MAGI2: variants seen among roughly 807,000 people sequenced by gnomAD.
MAGI2 encodes the protein membrane associated guanylate kinase, WW and PDZ domain containing 2.
In MAGI2, 35 loss-of-function variants were observed where a neutral mutation model predicts 133.3. The ratio of observed to expected loss-of-function variants is 0.26; its 90% CI spans 0.20 to 0.35. MAGI2 has a LOEUF of 0.35. Among genes scored for constraint, MAGI2 ranks in the 10% least tolerant of loss-of-function variants. The probability of loss-of-function intolerance (pLI) is 1.00; values close to 1 mark genes in which losing one functional copy is unlikely to be tolerated. For synonymous variants in MAGI2, 729 were observed against 710.6 expected (o/e 1.03, Z -0.41); for missense variants, 1,636 against 1,863.4 (o/e 0.88, Z 2.25).
intron 18 of MAGI2, among the ~76,000 whole-genome samples, chr7:78,132,213 C>T (rs1821630575): frequency 6.6e-6 from 1 of 152,176 alleles, no homozygotes; most frequent in South Asian, 2.1e-4. Flanking sequence ...TCAACATTCT[C>T]CCTACCTCCA....
At chr7:78,957,157 C>T (rs575906692) in intron 2 of MAGI2, among the ~76,000 whole-genome samples, 20 of 148,096 alleles carry the variant, frequency 1.4e-4, no homozygotes, top group Admixed American at 1.4e-4. Flanking sequence ...CCAGCTACTT[C>T]GGGATGCTGA....
intron 1 of MAGI2, among the ~76,000 whole-genome samples, chr7:79,119,466 T>C (rs376446136): frequency 3.3e-4 from 50 of 152,188 alleles, no homozygotes; most frequent in Middle Eastern, 3.4e-3. Context: ...TTTGTTCAGA[T>C]GAATCAATCC....
chr7:78,961,643 T>C (rs1802853339), intron 2 of MAGI2, among the ~76,000 whole-genome samples: 1 of 152,150 alleles, frequency 6.6e-6, no homozygotes, highest in East Asian at 1.9e-4. Flanking sequence ...TTTTTCATTT[T>C]GCAGATACCA....
chr7:79,027,184 C>T (rs953056709), intron 1 of MAGI2, among the ~76,000 whole-genome samples: 2 of 151,900 alleles, frequency 1.3e-5, no homozygotes, highest in African/African-American at 4.8e-5. Context: ...AGCAATCTCA[C>T]GTCTGGGTAT....
chr7:79,361,669 G>A (rs750480529), intron 1 of MAGI2, among the ~76,000 whole-genome samples: 5 of 152,098 alleles, frequency 3.3e-5, no homozygotes, highest in Admixed American at 6.5e-5. Context: ...ACACTCACAA[G>A]AGAGATCATG....
At chr7:78,597,420 C>T (rs1804732431) in intron 3 of MAGI2, among the ~76,000 whole-genome samples, 3 of 151,734 alleles carry the variant, frequency 2.0e-5, no homozygotes, top group Admixed American at 6.6e-5. Flanking sequence ...ATCCCAATGC[C>T]CACTTAATCC....
chr7:78,275,337 A>G (rs974580767), intron 9 of MAGI2, among the ~76,000 whole-genome samples: 1 of 151,118 alleles, frequency 6.6e-6, no homozygotes, highest in African/African-American at 2.4e-5. Context: ...TTCAGAAATC[A>G]CCTGCCTCGA....
chr7:78,664,888 AAAAAC>A (rs1255436662), intron 2 of MAGI2, among the ~76,000 whole-genome samples: 1 of 152,058 alleles, frequency 6.6e-6, no homozygotes, highest in African/African-American at 2.4e-5. Flanking sequence ...AAAAATACTA[AAAAAC>A]AAAACAATCA....
intron 2 of MAGI2, among the ~76,000 whole-genome samples, chr7:78,973,750 A>G (rs1362870318): frequency 1.3e-5 from 2 of 151,852 alleles, no homozygotes; most frequent in African/African-American, 4.8e-5. Context: ...ATAATGGAAT[A>G]TGTATCTTTC....
At chr7:78,051,653 T>C in intron 21 of MAGI2, among the ~76,000 whole-genome samples, 1 of 152,058 alleles carries the variant, frequency 6.6e-6, no homozygotes, top group Admixed American at 6.6e-5. Context: ...GGCGCGATCT[T>C]GGCTCACTGC....
At chr7:78,830,101 A>T (rs1783616682) in intron 2 of MAGI2, among the ~76,000 whole-genome samples, 1 of 152,070 alleles carries the variant, frequency 6.6e-6, no homozygotes, top group South Asian at 2.1e-4. Context: ...TATAACTTTC[A>T]TCAAAATGGG....
chr7:78,252,413 T>TA (rs1484145652), intron 10 of MAGI2: 3 of 139,466 alleles, frequency 2.2e-5, no homozygotes, highest in African/African-American at 8.4e-5. Context: ...GGGAATTCAA[T>TA]AAAAAATTAG....
At chr7:78,141,139 G>A (rs918278011) in intron 16 of MAGI2, among the ~76,000 whole-genome samples, 1 of 152,108 alleles carries the variant, frequency 6.6e-6, no homozygotes, top group Non-Finnish European at 1.5e-5. Flanking sequence ...AAGGAGAGGT[G>A]CTTTGTGGGC....
intron 3 of MAGI2, among the ~76,000 whole-genome samples, chr7:78,541,054 G>A (rs2362632): frequency 0.34 from 52,341 of 152,044 alleles, 10,144 homozygotes; most frequent in South Asian, 0.44. Context: ...AGTTCATGAT[G>A]TGAGTCTCCA....
At chr7:78,253,811 C>A (rs1274478509) in intron 10 of MAGI2, 4 of 152,136 alleles carry the variant, frequency 2.6e-5, no homozygotes, top group Admixed American at 2.6e-4. Flanking sequence ...GCCGACCACC[C>A]ATGGTCCTGA....
chr7:78,417,710 T>C (rs1315342182), intron 6 of MAGI2, among the ~76,000 whole-genome samples: 1 of 152,166 alleles, frequency 6.6e-6, no homozygotes, highest in Non-Finnish European at 1.5e-5. Context: ...GGGGGACAGA[T>C]ATTACTGTGC....
chr7:78,892,177 G>C (rs1220975226), intron 2 of MAGI2, among the ~76,000 whole-genome samples: 4 of 152,190 alleles, frequency 2.6e-5, no homozygotes, highest in Non-Finnish European at 2.9e-5. Flanking sequence ...TACAAGGGAT[G>C]TGAAGGACCT....
intron 10 of MAGI2, among the ~76,000 whole-genome samples, chr7:78,238,508 C>T (rs568669087): frequency 2.6e-5 from 4 of 151,638 alleles, no homozygotes; most frequent in African/African-American, 7.2e-5. Flanking sequence ...CGAGGCTAGC[C>T]TGGGCAAAAT....
At chr7:78,333,394 A>G (rs754401438) in intron 9 of MAGI2, among the ~76,000 whole-genome samples, 1 of 152,150 alleles carries the variant, frequency 6.6e-6, no homozygotes, top group Non-Finnish European at 1.5e-5. Context: ...TGCAGCAGAT[A>G]AAAGATTACT....
Sources: allele counts gnomAD v4.1 joint callset (sites outside exome capture counted in the v4.1 genomes callset), GRCh38; gene constraint gnomAD v4.1.1; transcripts MANE v1.5; gene names NCBI Gene and HGNC (gene_info 2026-07-23, HGNC 2026-07-21).